The following ZNF26 variants were observed in gnomAD, a reference collection of about 807,000 sequenced individuals.
ZNF26 encodes the protein zinc finger protein 26, also known as epididymis luminal protein 179.
A neutral mutation model predicts 54.9 loss-of-function variants in ZNF26; 32 were observed. The ratio of observed to expected loss-of-function variants is 0.58; its 90% CI spans 0.44 to 0.78. ZNF26 has a LOEUF of 0.78. Among genes scored for constraint, ZNF26 ranks in the 30% least tolerant of loss-of-function variants. The pLI, the probability that ZNF26 is intolerant of heterozygous loss-of-function variation, is 0.00. For synonymous variants in ZNF26, 221 were observed against 209.2 expected, an observed-to-expected ratio of 1.06 and a Z score of -0.49; for missense variants, 524 against 634.0, an observed-to-expected ratio of 0.83 and a Z score of 1.86.
Position 133,016,810 on chromosome 12 carries a change from T to C in ZNF26, c.*5329T>C, listed in dbSNP as rs1253238926. 1 of 152,152 alleles carries C rather than the reference T, an allele frequency of 6.6e-6. No individual in the cohort carries two copies. The highest frequency in any genetic ancestry group is 1.5e-5 in the Non-Finnish European group (1 of 68,188). The allele number at this position is 152,152 out of a possible 1,614,324, so 9.4% of individuals were successfully genotyped here. On this transcript the variant is annotated 3_prime_UTR_variant, in exon 4 of 4. Coordinates refer to ENST00000328654, the MANE Select transcript of ZNF26 (RefSeq NM_019591.4). ...AAAAAAAAAAATTCTACTCTCTTGG[T>C]ATTTGTAATATGTTATGAGATACCA...
intron 3 of ZNF26, among the ~76,000 whole-genome samples, chr12:133,009,811 C>A (rs2137258861): frequency 6.6e-6 from 1 of 152,250 alleles, no homozygotes; most frequent in South Asian, 2.1e-4. Flanking sequence ...TCAAGCGATT[C>A]TTCTGCCTCA....
intron 2 of ZNF26, 120 bp downstream of exon 2, chr12:133,007,288 G>A (rs1953352209): frequency 5.8e-6 from 8 of 1,383,434 alleles, no homozygotes; most frequent in Admixed American, 2.0e-5. Flanking sequence ...GAACTTTAGG[G>A]GTCAAATTTC....
intron 1 of ZNF26, among the ~76,000 whole-genome samples, chr12:132,998,861 T>G (rs1216770909): frequency 1.3e-5 from 2 of 152,222 alleles, no homozygotes; most frequent in African/African-American, 4.8e-5. Flanking sequence ...TGCAAATAAC[T>G]CTATTGCCAT....
chr12:133,000,768 A>C (rs1593652594), intron 1 of ZNF26, among the ~76,000 whole-genome samples: 1 of 152,190 alleles, frequency 6.6e-6, no homozygotes, highest in East Asian at 1.9e-4. Flanking sequence ...TATGTTGGCC[A>C]GGCTGGTCTT....
intron 1 of ZNF26, among the ~76,000 whole-genome samples, chr12:132,993,073 G>A (rs2137217435): frequency 7.2e-6 from 1 of 138,306 alleles, no homozygotes. Context: ...TGCCCAGGCT[G>A]GAGTGCAGTG....
At chr12:132,999,301 C>T (rs1244068471) in intron 1 of ZNF26, among the ~76,000 whole-genome samples, 1 of 152,230 alleles carries the variant, frequency 6.6e-6, no homozygotes, top group Non-Finnish European at 1.5e-5. Flanking sequence ...GTTGCCCAGG[C>T]TTGAGTGCAG....
intron 1 of ZNF26, among the ~76,000 whole-genome samples, chr12:132,990,924 T>A (rs1952935168): frequency 6.6e-6 from 1 of 151,972 alleles, no homozygotes; most frequent in African/African-American, 2.4e-5. Flanking sequence ...AGTGGCATGA[T>A]CATGGCTCAC....
intron 1 of ZNF26, among the ~76,000 whole-genome samples, chr12:132,991,800 A>C (rs1275302912): frequency 6.6e-6 from 1 of 152,038 alleles, no homozygotes; most frequent in African/African-American, 2.4e-5. Context: ...GATCAGAAAA[A>C]AAATTTTAAT....
Position 133,007,098 on chromosome 12 carries a change from A to G in ZNF26, c.90A>G (p.Leu30=). 3 of 1,614,032 alleles carry G rather than the reference A, an allele frequency of 1.9e-6. No homozygotes were observed. The highest frequency in any genetic ancestry group is 2.5e-6 in the Non-Finnish European group (3 of 1,179,896). The change falls in exon 2 of 4, where the codon CTA becomes CTG. Residue 30 remains leucine, a synonymous_variant. Coordinates refer to ENST00000328654, the MANE Select transcript of ZNF26 (RefSeq NM_019591.4). ...SMEFTWDEWQ[L]LDSTQKYLYR... is the part of the protein sequence containing the mutation. ...AGTTCACCTGGGATGAATGGCAGCT[A>G]CTGGATTCTACACAGAAGTACCTGT...
rs1201030172 is a variant in ZNF26, at chr12:133,023,663, T to G, written c.*12182T>G. 1 of 152,222 alleles carries G rather than the reference T, an allele frequency of 6.6e-6. No homozygotes were observed. Among genetic ancestry groups the G allele is most frequent in the Non-Finnish European group, 1.5e-5 (1 of 68,040 alleles). 9.4% of individuals were successfully genotyped at this position (152,222 alleles called of 1,614,324 possible). ...GGCTATGACAGTAGCTTCCATCTCA[T>G]CTCCTCTTCTACAGTGTGATCTTGC... On this transcript the variant is annotated 3_prime_UTR_variant, in exon 4 of 4. Coordinates refer to ENST00000328654, the MANE Select transcript of ZNF26 (RefSeq NM_019591.4).
chr12:133,010,941 G>A lies in ZNF26; in HGVS notation c.1062G>A (p.Lys354=). Residue 354 remains lysine, a synonymous_variant, in exon 4 of 4, where the codon AAG becomes AAA. Transcript: ENST00000328654. ...ATTGTGGGAAAGCCTTCAATATGAA[G>A]ACACAACTCATTGTACATCAGGGAG... is the stretch of plus-strand genomic sequence containing the variant. ...CSDCGKAFNM[K]TQLIVHQGVH... 6.2e-7 allele frequency: 1 copy of A among 1,614,110 alleles called. No homozygotes were observed. The highest frequency in any genetic ancestry group is 1.7e-5 in the Admixed American group (1 of 60,006).
intron 1 of ZNF26, among the ~76,000 whole-genome samples, chr12:132,996,670 T>A (rs1446807450): frequency 6.6e-6 from 1 of 152,222 alleles, no homozygotes; most frequent in Non-Finnish European, 1.5e-5. Context: ...GTTGCTTCAA[T>A]CTCTTTGTAC....
In ZNF26 at chr12:133,016,472, G is replaced by A. The variant is rs1953568390; in HGVS notation, c.*4991G>A. ...TAAAAGGAAAATAACAGCTCACTTT[G>A]GGGCCAAAGTCTAAAATTTAAAATC... On this transcript the variant is annotated 3_prime_UTR_variant, in exon 4 of 4. Coordinates refer to ENST00000328654, the MANE Select transcript of ZNF26 (RefSeq NM_019591.4). The A allele has an allele frequency of 6.9e-6, 1 of 145,118 alleles. No homozygotes were observed. Among genetic ancestry groups the A allele is most frequent in the South Asian group, 2.2e-4 (1 of 4,610 alleles). The allele number at this position is 145,118 out of a possible 1,614,324, so 9.0% of individuals were successfully genotyped here.
intron 1 of ZNF26, chr12:132,987,676 C>A: frequency 1.0e-6 from 1 of 985,044 alleles, no homozygotes; most frequent in Non-Finnish European, 1.2e-6. Context: ...CTGTAACTCA[C>A]ATGGGAGGTC....
In ZNF26 at chr12:133,007,476, A is replaced by G; in HGVS notation, c.200A>G (p.Glu67Gly). ...AAGCCTGACTTAATCTTCAAGTTGG[A>G]ACAAGGAGAAGATCCATGGATAATA... ...GTKPDLIFKL[E>G]QGEDPWIINA... is the part of the protein sequence containing the mutation. The change falls in exon 3 of 4, where the codon GAA (glutamate) becomes GGA (glycine). Residue 67 changes from glutamate to glycine, a missense_variant. Transcript: ENST00000328654. 1 of 1,614,008 alleles carries G rather than the reference A, an allele frequency of 6.2e-7. No homozygotes were observed. The highest frequency in any genetic ancestry group is 8.5e-7 in the Non-Finnish European group (1 of 1,179,936).
At chr12:133,004,182 C>G (rs1479253087) in intron 1 of ZNF26, among the ~76,000 whole-genome samples, 1 of 152,102 alleles carries the variant, frequency 6.6e-6, no homozygotes, top group African/African-American at 2.4e-5. Flanking sequence ...CTCCCTGCTC[C>G]CTCCCTACAT....
intron 1 of ZNF26, among the ~76,000 whole-genome samples, chr12:132,994,810 C>T (rs1261908733): frequency 6.6e-6 from 1 of 152,168 alleles, no homozygotes; most frequent in African/African-American, 2.4e-5. Flanking sequence ...CAGGATTTTT[C>T]AACCTCAGCA....
intron 1 of ZNF26, among the ~76,000 whole-genome samples, chr12:132,999,530 C>T (rs1236032117): frequency 6.6e-6 from 1 of 152,060 alleles, no homozygotes; most frequent in Non-Finnish European, 1.5e-5. Flanking sequence ...GCTGGGATTA[C>T]AGGCGTGAGC....
At chr12:132,990,947 C>T (rs1419439378) in intron 1 of ZNF26, among the ~76,000 whole-genome samples, 2 of 151,948 alleles carry the variant, frequency 1.3e-5, no homozygotes, top group East Asian at 3.9e-4. Flanking sequence ...CAACCTCTGC[C>T]TCCCAGGTTC....
Sources: gnomAD v4.1 joint callset for allele counts (sites outside exome capture counted in the v4.1 genomes callset) on GRCh38, gnomAD v4.1.1 for gene constraint, MANE v1.5 for transcripts, NCBI Gene and HGNC (gene_info 2026-07-23, HGNC 2026-07-21) for gene names.